The following SMARCC2 variants were observed in gnomAD, a reference collection of about 807,000 sequenced individuals.
SMARCC2 encodes the protein SWI/SNF complex subunit SMARCC2.
In SMARCC2, 15 loss-of-function variants were observed where a neutral mutation model predicts 151.3. The observed-to-expected ratio is 0.10, with a 90% CI of 0.07 to 0.15. The LOEUF (loss-of-function observed/expected upper bound fraction) is 0.15, where lower values mean the gene tolerates loss of function less well. Ranked by LOEUF, SMARCC2 falls within the 10% of genes least tolerant of loss-of-function variation. SMARCC2 has a pLI of 1.00. For synonymous variants in SMARCC2, 590 were observed against 609.5 expected (o/e 0.97, Z 0.47); for missense variants, 1,031 against 1,599.7 (o/e 0.64, Z 6.06).
intron 26 of SMARCC2, 109 bp downstream of exon 26, chr12:56,167,951 A>AACACACACACACAC (rs56809897): frequency 3.6e-5 from 25 of 689,556 alleles, no homozygotes; most frequent in East Asian, 1.8e-4. Context: ...CTTTCACTGA[A>AACACACACACACAC]ACACACACAC....
chr12:56,172,775 AACAG>A (rs1345106185), intron 18 of SMARCC2, 71 bp from the exon 19 acceptor site: 13 of 1,603,524 alleles, frequency 8.1e-6, no homozygotes, highest in Non-Finnish European at 1.0e-5. Context: ...AGAGAGAAAA[AACAG>A]ACAGAAGGAG....
chr12:56,184,312 G>T, intron 5 of SMARCC2, 68 bp from the exon 6 acceptor site: 3 of 1,138,166 alleles, frequency 2.6e-6, no homozygotes, highest in Non-Finnish European at 3.9e-6. Flanking sequence ...TAGCCACAGA[G>T]CTGCCTTCCT....
intron 22 of SMARCC2, 110 bp from the exon 23 acceptor site, chr12:56,170,318 G>T: frequency 2.1e-6 from 2 of 941,272 alleles, no homozygotes; most frequent in South Asian, 1.4e-5. Context: ...TGCCCAGGTT[G>T]GTCTCAAACT....
chr12:56,164,270 C>T, intron 28 of SMARCC2, 33 bp downstream of exon 28: 1 of 1,603,530 alleles, frequency 6.2e-7, no homozygotes, highest in Non-Finnish European at 8.5e-7. Flanking sequence ...GACCCCTCTC[C>T]CTCACCCTTC....
intron 17 of SMARCC2, 30 bp downstream of exon 17, chr12:56,173,666 C>T: frequency 6.3e-7 from 1 of 1,576,286 alleles, no homozygotes; most frequent in Non-Finnish European, 8.6e-7. Flanking sequence ...TCTTCCCAAC[C>T]CGCCCCATCC....
At chr12:56,184,407 G>A (rs1041244757) in intron 5 of SMARCC2, 163 bp from the exon 6 acceptor site, 7 of 601,200 alleles carry the variant, frequency 1.2e-5, no homozygotes, top group African/African-American at 7.4e-5. Context: ...AAACAGCTGG[G>A]ATTGTGCTAA....
At chr12:56,166,978 G>A (rs1271883489) in intron 26 of SMARCC2, among the ~76,000 whole-genome samples, 21 of 150,858 alleles carry the variant, frequency 1.4e-4, no homozygotes, top group African/African-American at 2.2e-4. Flanking sequence ...CAGGAGAATC[G>A]CTTGAACCCA....
At chr12:56,176,808 T>C (rs996491006) in intron 15 of SMARCC2, among the ~76,000 whole-genome samples, 3 of 151,198 alleles carry the variant, frequency 2.0e-5, no homozygotes, top group East Asian at 1.9e-4. Context: ...GCCCGGCTAA[T>C]TTTTTTTGTT....
intron 25 of SMARCC2, among the ~76,000 whole-genome samples, chr12:56,169,193 G>A (rs895298200): frequency 6.6e-6 from 1 of 152,074 alleles, no homozygotes; most frequent in African/African-American, 2.4e-5. Context: ...TACTCGGGAG[G>A]CTGAGGCAGG....
chr12:56,171,781 T>C lies in SMARCC2; in HGVS notation c.2083A>G (p.Ile695Val), dbSNP rs1287125573. ...GGGTTGCCCGACTGACTGAAGGGGA[T>C]GGGTTGGTAGGCCAGGGGGCCTAGG... The part of the protein sequence containing the change: ...ASLGPLAYQP[I>V]PFSQSGNPVM... Residue 695 changes from isoleucine to valine, a missense_variant, in exon 21 of 29, where the codon ATC becomes GTC. Transcript: ENST00000550164. This position sits in a 1 kb window ranked among gnomAD's most constrained non-coding sequence, Gnocchi z 4.2. 3 of 1,613,258 alleles carry C rather than the reference T, an allele frequency of 1.9e-6. No individual in the cohort carries two copies. The highest frequency in any genetic ancestry group is 4.5e-5 in the East Asian group (2 of 44,864).
Position 56,183,935 on chromosome 12 carries a change from G to A in SMARCC2, c.563-5C>T. 1 of 1,602,212 alleles carries A rather than the reference G, an allele frequency of 6.2e-7. No homozygotes were observed. The highest frequency in any genetic ancestry group is 8.5e-7 in the Non-Finnish European group (1 of 1,169,716). ...TGACTGGTCGTACCCATTCCTCTGG[G>A]GATAGAGGAAGAGAAGGGAGAGATA... On this transcript the variant is annotated splice_polypyrimidine_tract_variant and splice_region_variant and intron_variant, in intron 6 of 28. Coordinates refer to ENST00000550164, the MANE Select transcript of SMARCC2 (RefSeq NM_001330288.2).
At position 56,177,911 on chromosome 12, in the gene SMARCC2, G is replaced by A. The variant is rs1875346382; in HGVS notation, c.1382+111C>T. 3 of 762,454 alleles carry A rather than the reference G, an allele frequency of 3.9e-6. No individual in the cohort carries two copies. The South Asian group carries it at 5.2e-5, about 13-fold the overall frequency. The allele number at this position is 762,454 out of a possible 1,614,324, so 47.2% of individuals were successfully genotyped here. A position where few individuals can be genotyped will look rare whatever the true frequency, so the allele number is the denominator to read the frequency against. ...CTTTGTAAGCCTAGCATAGTGCCTG[G>A]CTCATGGAAGATGCTCAAGAAATGT... On this transcript the variant is annotated intron_variant, in intron 15 of 28. Transcript: ENST00000550164.
At chr12:56,164,266 T>G in intron 28 of SMARCC2, 37 bp downstream of exon 28, 1 of 1,596,282 alleles carries the variant, frequency 6.3e-7, no homozygotes, top group Non-Finnish European at 8.5e-7. Flanking sequence ...GGTGGACCCC[T>G]CTCCCTCACC....
chr12:56,187,488 T>C (rs1306548791), intron 1 of SMARCC2, among the ~76,000 whole-genome samples, 182 bp from the exon 2 acceptor site: 1 of 152,108 alleles, frequency 6.6e-6, no homozygotes, highest in Non-Finnish European at 1.5e-5. Context: ...ACCAGGAAGC[T>C]GAAATTCTGC....
At chr12:56,187,897 C>T (rs1335950400) in intron 1 of SMARCC2, among the ~76,000 whole-genome samples, 1 of 152,182 alleles carries the variant, frequency 6.6e-6, no homozygotes, top group African/African-American at 2.4e-5. Flanking sequence ...AAGAGCAAGA[C>T]AACATCTACC....
In SMARCC2 at chr12:56,162,580, G is replaced by A. The variant is rs933972839; in HGVS notation, c.*1109C>T. On this transcript the variant is annotated 3_prime_UTR_variant, in exon 29 of 29. Transcript: ENST00000550164. ...CGTCACAGGGGAGAAGCTGGGACACGTGGAGCAGGAATGCGGGAAGCAGAG... is the reference window on the plus strand; with the variant it reads ...CGTCACAGGGGAGAAGCTGGGACACATGGAGCAGGAATGCGGGAAGCAGAG... 2.4e-5 allele frequency: 11 copies of A among 454,986 alleles called. No homozygotes were observed. The highest frequency in any genetic ancestry group is 3.5e-5 in the Non-Finnish European group (9 of 257,596). 28.2% of individuals were successfully genotyped at this position (454,986 alleles called of 1,614,324 possible).
intron 11 of SMARCC2, among the ~76,000 whole-genome samples, chr12:56,179,750 G>T (rs549454057): frequency 1.3e-5 from 2 of 152,074 alleles, no homozygotes; most frequent in Non-Finnish European, 1.5e-5. Flanking sequence ...GCAGTGGTGC[G>T]ATCTCGGCTC....
At position 56,171,612 on chromosome 12, in the gene SMARCC2, C is replaced by G. The variant is rs1873972094; in HGVS notation, c.2185+67G>C. The G allele has an allele frequency of 6.6e-7, 1 of 1,515,390 alleles. No homozygotes were observed. The highest frequency in any genetic ancestry group is 2.2e-5 in the Admixed American group (1 of 46,504). 93.9% of individuals were successfully genotyped at this position (1,515,390 alleles called of 1,614,324 possible). A position where few individuals can be genotyped will look rare whatever the true frequency, so the allele number is the denominator to read the frequency against. ...GGGCAGCCAAACTTGAGAGGATTCA[C>G]AGTCTGAGTAACTAGCCCTTCAAAA... On this transcript the variant is annotated intron_variant, in intron 21 of 28. Coordinates refer to ENST00000550164, the MANE Select transcript of SMARCC2 (RefSeq NM_001330288.2). This position sits in a 1 kb window ranked among gnomAD's most constrained non-coding sequence, Gnocchi z 4.2.
chr12:56,163,729 G>A lies in SMARCC2; in HGVS notation c.3698C>T (p.Pro1233Leu), dbSNP rs368771647. 12 of 1,510,024 alleles carry A rather than the reference G, an allele frequency of 7.9e-6. No individual in the cohort carries two copies. Among genetic ancestry groups the A allele is most frequent in the Non-Finnish European group, 1.1e-5 (12 of 1,139,600 alleles). 93.5% of individuals were successfully genotyped at this position (1,510,024 alleles called of 1,614,324 possible). A position where few individuals can be genotyped will look rare whatever the true frequency, so the allele number is the denominator to read the frequency against. The change falls in exon 29 of 29, where the codon CCG becomes CTG. Residue 1233 changes from proline to leucine, a missense_variant. Transcript: ENST00000550164. ...GTPLPPDPTA[P>L]SPGTVTPVPP... is the part of the protein sequence containing the mutation. ...CACAGGGGTGACCGTGCCTGGGCTC[G>A]GGGCTGTGGGGTCTGGAGGCAGGGG...
Sources: allele counts gnomAD v4.1 joint callset (sites outside exome capture counted in the v4.1 genomes callset), GRCh38; gene constraint gnomAD v4.1.1; non-coding constraint Gnocchi (gnomAD v3.1); transcripts MANE v1.5; gene names NCBI Gene and HGNC (gene_info 2026-07-23, HGNC 2026-07-21).